SLC49A3: variants seen among roughly 807,000 people sequenced by gnomAD.
SLC49A3 encodes solute carrier family 49 member 3.
SLC49A3 carries 50 observed loss-of-function variants against 43.8 expected under a neutral mutation model. The observed-to-expected ratio is 1.14, with a 90% CI of 0.91 to 1.45. SLC49A3 has a LOEUF of 1.45. Among genes scored for constraint, SLC49A3 ranks in the 40% most tolerant of loss-of-function variants. The pLI is 0.00. For missense variants in SLC49A3, 906 were observed against 774.1 expected (o/e 1.17, Z -2.02); for synonymous variants, 413 against 352.0 (o/e 1.17, Z -1.94).
In SLC49A3 at chr4:684,792, C is replaced by T. The variant is rs1339318942; in HGVS notation, c.650G>A (p.Ser217Asn). 3 of 1,612,458 alleles carry T rather than the reference C, an allele frequency of 1.9e-6. No individual in the cohort carries two copies. The highest frequency in any genetic ancestry group is 3.3e-5 in the Admixed American group (2 of 59,940). The change falls in exon 5 of 10, where the codon AGT (serine) becomes AAT (asparagine). Residue 217 changes from serine (S) to asparagine (N), a missense_variant. By Grantham distance (46) the Ser-to-Asn change is conservative. Transcript: ENST00000322224. Reference sequence around the variant, plus strand: ...GGCAGAGGGCGGGGTGGGGGGCACACTCTCCCACAGGCAGATGGTGGACAG... The same window carrying T: ...GGCAGAGGGCGGGGTGGGGGGCACATTCTCCCACAGGCAGATGGTGGACAG... ...CLLSTICLWE[S>N]VPPTPPSAGA... is the part of the protein sequence containing the mutation.
downstream of SLC49A3, chr4:678,051 C>T: frequency 6.2e-7 from 1 of 1,613,000 alleles, no homozygotes; most frequent in Non-Finnish European, 8.5e-7. Flanking sequence ...GCCGTGCATG[C>T]CTGGGGCAGG....
downstream of SLC49A3, chr4:680,597 C>CGGG (rs59434534): frequency 5.0e-6 from 8 of 1,612,530 alleles, no homozygotes; most frequent in African/African-American, 9.4e-5. Context: ...AGTGAGTGCC[C>CGGG]GGGCGGCCAG....
At chr4:688,309 G>A (rs969965042) in intron 1 of SLC49A3, among the ~76,000 whole-genome samples, 7 of 152,216 alleles carry the variant, frequency 4.6e-5, no homozygotes, top group Middle Eastern at 3.4e-3. Flanking sequence ...GAGAGGCCCC[G>A]GGGTCCACCT....
At chr4:689,862 T>C (rs1741728206), upstream of SLC49A3, among the ~76,000 whole-genome samples, 1 of 152,204 alleles carries the variant, frequency 6.6e-6, no homozygotes, top group African/African-American at 2.4e-5. Flanking sequence ...CGGCTTAGTC[T>C]TTTCTGCAAG....
rs28667505 is a variant in SLC49A3, at chr4:685,203, A to G, written c.586-347T>C. 1,428 of 391,078 alleles carry G rather than the reference A, an allele frequency of 3.7e-3. 21 individuals are homozygous for G. Among genetic ancestry groups the G allele is most frequent in the African/African-American group, 0.028 (1,349 of 48,062 alleles). The allele number at this position is 391,078 out of a possible 1,614,324, so 24.2% of individuals were successfully genotyped here. A position where few individuals can be genotyped will look rare whatever the true frequency, so the allele number is the denominator to read the frequency against. On this transcript the variant is annotated intron_variant, in intron 4 of 9. Coordinates refer to ENST00000322224, the MANE Select transcript of SLC49A3 (RefSeq NM_032219.4). This position sits in a 1 kb window ranked among gnomAD's most constrained non-coding sequence, Gnocchi z 4.3. ...TGGGTGCAGAGGCACACGTGCATAC[A>G]GACTCACGCTCAGTACATACCCCCA... is the stretch of plus-strand genomic sequence containing the variant.
chr4:680,050 T>C (rs1739292677), downstream of SLC49A3: 1 of 1,495,606 alleles, frequency 6.7e-7, no homozygotes, highest in Non-Finnish European at 9.2e-7. Context: ...CTGGCCCTCC[T>C]AGCTAATTCC....
At chr4:686,438 T>A in intron 2 of SLC49A3, 94 bp downstream of exon 2, 1 of 1,564,166 alleles carries the variant, frequency 6.4e-7, no homozygotes, top group Non-Finnish European at 8.7e-7. Flanking sequence ...TTGGGACTGG[T>A]GGGCCCCGGT....
At position 685,422 on chromosome 4, in the gene SLC49A3, G is replaced by A. The variant is rs191747162; in HGVS notation, c.585+413C>T. Among the ~76,000 whole-genome samples the A allele has an allele frequency of 2.9e-3, 440 of 151,806 alleles. 2 individuals carry two copies. Among genetic ancestry groups the A allele is most frequent in the African/African-American group, 0.01 (420 of 41,376 alleles). ...GGCATAGAAACATCACACACTGGCC[G>A]GGCGCGGTGGCTCACGCCTGTCATC... is the stretch of plus-strand genomic sequence containing the variant. On this transcript the variant is annotated intron_variant, in intron 4 of 9. Coordinates refer to ENST00000322224, the MANE Select transcript of SLC49A3 (RefSeq NM_032219.4). This position sits in a 1 kb window ranked among gnomAD's most constrained non-coding sequence, Gnocchi z 4.3.
At chr4:682,700 G>T in intron 9 of SLC49A3, 81 bp downstream of exon 9, 1 of 1,202,846 alleles carries the variant, frequency 8.3e-7, no homozygotes, top group Non-Finnish European at 1.2e-6. Context: ...CCCACGTAGG[G>T]TTCACCTGTC....
downstream of SLC49A3, chr4:680,874 T>C: frequency 1.5e-6 from 1 of 649,050 alleles, no homozygotes; most frequent in Non-Finnish European, 2.6e-6. Context: ...CGCTGGCCTG[T>C]AACCTCCTTC....
upstream of SLC49A3, among the ~76,000 whole-genome samples, chr4:691,448 C>G (rs1560185568): frequency 6.6e-6 from 1 of 151,288 alleles, no homozygotes; most frequent in Non-Finnish European, 1.5e-5. Context: ...AACAGATTAG[C>G]TGGGCATGGT....
At position 682,306 on chromosome 4, in the gene SLC49A3, T is replaced by C; in HGVS notation, c.1332A>G (p.Pro444=). The change falls in exon 10 of 10, where the codon CCA becomes CCG. Residue 444 remains proline (P), a synonymous_variant. Coordinates refer to ENST00000322224, the MANE Select transcript of SLC49A3 (RefSeq NM_032219.4). ...CAGACTCGGCCTGCAGGCGCCGGTA[T>C]GGGGTGTGGAAGAAGACCGCCAGGA... ...SCILAVFFHT[P]YRRLQAESGE... is the part of the protein sequence containing the mutation. 1.5e-6 allele frequency: 2 copies of C among 1,354,612 alleles called. No homozygotes were observed. The highest frequency in any genetic ancestry group is 2.1e-5 in the South Asian group (1 of 47,626). 83.9% of individuals were successfully genotyped at this position (1,354,612 alleles called of 1,614,324 possible).
rs72613112 is a variant in SLC49A3, at chr4:684,129, C to G, written c.840+354G>C. ...TATGCGAGCAGAGCAAGGCCCTCCC[C>G]GCTGCACGTCTGGATACCAGAAGGT... On this transcript the variant is annotated intron_variant, in intron 6 of 9. Coordinates refer to ENST00000322224, the MANE Select transcript of SLC49A3 (RefSeq NM_032219.4). Among the ~76,000 whole-genome samples the G allele has an allele frequency of 3.3e-5, 5 of 152,284 alleles. No individual in the cohort carries two copies. The East Asian group carries it at 5.8e-4, about 18-fold the overall frequency.
downstream of SLC49A3, chr4:679,946 G>A (rs369520466): frequency 3.9e-5 from 63 of 1,613,668 alleles, 1 homozygote; most frequent in Middle Eastern, 3.3e-4. Context: ...CGAGCTGGAC[G>A]CCATGCTCAA....
chr4:689,817 G>A (rs572625690), upstream of SLC49A3, among the ~76,000 whole-genome samples: 8 of 152,382 alleles, frequency 5.2e-5, no homozygotes, highest in East Asian at 1.5e-3. Flanking sequence ...TTAGGATGGA[G>A]AGGCCTGTGT....
rs774562463 is a variant in SLC49A3 at position 682,272 on chromosome 4, G to A, written c.1366C>T (p.Pro456Ser). 7.3e-7 allele frequency: 1 copy of A among 1,372,734 alleles called. No individual in the cohort carries two copies. The highest frequency in any genetic ancestry group is 2.8e-5 in the East Asian group (1 of 36,158). The allele number at this position is 1,372,734 out of a possible 1,614,324, so 85.0% of individuals were successfully genotyped here. Residue 456 changes from proline (P) to serine (S), a missense_variant, in exon 10 of 10, where the codon CCC (proline) becomes TCC (serine). Physicochemically the swap from Pro to Ser is moderately conservative, Grantham distance 74. Transcript: ENST00000322224. ...RRLQAESGEP[P>S]STRNAVGGAD... ...CCGCCCACGGCGTTACGGGTGGAGG[G>A]GGGCTCCCCAGACTCGGCCTGCAGG...
chr4:678,927 G>T, downstream of SLC49A3: 1 of 1,612,914 alleles, frequency 6.2e-7, no homozygotes, highest in Non-Finnish European at 8.5e-7. Context: ...AGCCGGGTTG[G>T]CAGCACAGCA....
downstream of SLC49A3, chr4:677,826 G>A: frequency 1.2e-6 from 1 of 803,036 alleles, no homozygotes; most frequent in Non-Finnish European, 2.1e-6. Context: ...GCCTTGCGGG[G>A]TGAGGCAGGG....
In SLC49A3 at chr4:685,294, T is replaced by G. The variant is rs1340649253; in HGVS notation, c.586-438A>C. On this transcript the variant is annotated intron_variant, in intron 4 of 9. Coordinates refer to ENST00000322224, the MANE Select transcript of SLC49A3 (RefSeq NM_032219.4). The surrounding 1 kb of genome is among the most constrained non-coding windows in gnomAD (Gnocchi z 4.3). ...CACACACAGGTACACACCACACATG[T>G]GCACAGACACACAGACACATATGCA... Among the ~76,000 whole-genome samples, 2 of 151,964 alleles carry G rather than the reference T, an allele frequency of 1.3e-5. No homozygotes were observed. The highest frequency in any genetic ancestry group is 2.9e-5 in the Non-Finnish European group (2 of 68,006).
Sources: allele counts gnomAD v4.1 joint callset (sites outside exome capture counted in the v4.1 genomes callset), GRCh38; gene constraint gnomAD v4.1.1; non-coding constraint Gnocchi (gnomAD v3.1); transcripts MANE v1.5; gene names NCBI Gene and HGNC (gene_info 2026-07-23, HGNC 2026-07-21).